The following TMEM129 variants were observed in gnomAD, a reference collection of about 807,000 sequenced individuals.
TMEM129 encodes E3 ubiquitin-protein ligase TM129.
A neutral mutation model predicts 34.1 loss-of-function variants in TMEM129; 35 were observed. The observed-to-expected ratio is 1.03, with a 90% CI of 0.78 to 1.36. TMEM129 has a LOEUF of 1.36. Among genes scored for constraint, TMEM129 ranks in the 40% most tolerant of loss-of-function variants. The pLI, the probability that TMEM129 is intolerant of heterozygous loss-of-function variation, is 0.00. For synonymous variants in TMEM129, 239 were observed against 217.3 expected (o/e 1.10, Z -0.88); for missense variants, 504 against 512.6 (o/e 0.98, Z 0.16).
rs1218516713 is a variant in TMEM129 at position 1,720,953 on chromosome 4, G to A, written c.-116C>T. 3 of 771,406 alleles carry A rather than the reference G, an allele frequency of 3.9e-6. No homozygotes were observed. Among genetic ancestry groups the A allele is most frequent in the Non-Finnish European group, 5.4e-6 (3 of 551,248 alleles). The allele number at this position is 771,406 out of a possible 1,614,324, so 47.8% of individuals were successfully genotyped here. A position where few individuals can be genotyped will look rare whatever the true frequency, so the allele number is the denominator to read the frequency against. On this transcript the variant is annotated 5_prime_UTR_variant, in exon 1 of 4. Transcript: ENST00000382936. The surrounding 1 kb of genome is among the most constrained non-coding windows in gnomAD (Gnocchi z 4.4). ...CGGCCGCCGCCCGGCCGCCCGCGGG[G>A]CACTCTAGGACATGGAGTCCCGCCG...
rs1716939290 is a variant in TMEM129, at chr4:1,715,995, C to A, written c.*1185G>T. On this transcript the variant is annotated 3_prime_UTR_variant, in exon 4 of 4. Coordinates refer to ENST00000382936, the MANE Select transcript of TMEM129 (RefSeq NM_001127266.2). ...TATTAAATATGGTGTCATTTGGCTACAATCGGTTTGTCTTTATAAAACTAA... is the reference window on the plus strand; with the variant it reads ...TATTAAATATGGTGTCATTTGGCTAAAATCGGTTTGTCTTTATAAAACTAA... 1 of 152,104 alleles carries A rather than the reference C, an allele frequency of 6.6e-6. No homozygotes were observed. Among genetic ancestry groups the A allele is most frequent in the Non-Finnish European group, 1.5e-5 (1 of 68,036 alleles). 9.4% of individuals were successfully genotyped at this position (152,104 alleles called of 1,614,324 possible).
chr4:1,718,614 C>T lies in TMEM129; in HGVS notation c.218G>A (p.Gly73Asp), dbSNP rs1164351052. Reference sequence around the variant, plus strand: ...CTTTTCTGAAGCCGCAAGGCACATGCCCACATAGTAGCCTGCAAAGGACAG... The same window carrying T: ...CTTTTCTGAAGCCGCAAGGCACATGTCCACATAGTAGCCTGCAAAGGACAG... ...HSLLPLGYYV[G>D]MCLAASEKRL... Residue 73 changes from glycine (G) to aspartate (D), a missense_variant, in exon 2 of 4, where the codon GGC becomes GAC. Physicochemically the swap from Gly to Asp is moderately conservative, Grantham distance 94. Coordinates refer to ENST00000382936, the MANE Select transcript of TMEM129 (RefSeq NM_001127266.2). 6.9e-7 allele frequency: 1 copy of T among 1,454,754 alleles called. No individual in the cohort carries two copies. Among genetic ancestry groups the T allele is most frequent in the Non-Finnish European group, 9.1e-7 (1 of 1,102,778 alleles). The allele number at this position is 1,454,754 out of a possible 1,614,324, so 90.1% of individuals were successfully genotyped here.
At position 1,720,619 on chromosome 4, in the gene TMEM129, C is replaced by T; in HGVS notation, c.205+14G>A. ...GCAGGAGAGGATGCGGCCGGCCGGC[C>T]CGAGCAGCCTCACCGAGCGGCAGCA... On this transcript the variant is annotated intron_variant, in intron 1 of 3. Coordinates refer to ENST00000382936, the MANE Select transcript of TMEM129 (RefSeq NM_001127266.2). This position sits in a 1 kb window ranked among gnomAD's most constrained non-coding sequence, Gnocchi z 4.4. The T allele has an allele frequency of 6.5e-7, 1 of 1,534,046 alleles. No individual in the cohort carries two copies. Among genetic ancestry groups the T allele is most frequent in the Non-Finnish European group, 8.7e-7 (1 of 1,143,308 alleles).
chr4:1,719,781 C>T (rs1192312750), intron 1 of TMEM129, among the ~76,000 whole-genome samples: 1 of 152,188 alleles, frequency 6.6e-6, no homozygotes, highest in Non-Finnish European at 1.5e-5. Flanking sequence ...CCATCCATCT[C>T]TCAAGTGGGC....
In TMEM129 at chr4:1,720,767, T is replaced by A; in HGVS notation, c.71A>T (p.Asn24Ile). The change falls in exon 1 of 4, where the codon AAC (asparagine) becomes ATC (isoleucine). Residue 24 changes from asparagine (N) to isoleucine (I), a missense_variant. Coordinates refer to ENST00000382936, the MANE Select transcript of TMEM129 (RefSeq NM_001127266.2). The surrounding 1 kb of genome is among the most constrained non-coding windows in gnomAD (Gnocchi z 4.4). ...VFAVCFVFTP[N>I]EFHAAGLTVQ... The stretch of plus-strand genomic sequence containing the variant: ...CGTGAGCCCCGCCGCGTGGAACTCG[T>A]TGGGCGTGAACACGAAGCACACGGC... 2.5e-6 allele frequency: 4 copies of A among 1,591,366 alleles called. No individual in the cohort carries two copies. Among genetic ancestry groups the A allele is most frequent in the Non-Finnish European group, 3.4e-6 (4 of 1,170,352 alleles).
intron 1 of TMEM129, among the ~76,000 whole-genome samples, chr4:1,719,390 A>C (rs1717155757): frequency 6.6e-6 from 1 of 151,306 alleles, no homozygotes; most frequent in Non-Finnish European, 1.5e-5. Flanking sequence ...CTCCACTAAA[A>C]AATACAAAAA....
intron 1 of TMEM129, among the ~76,000 whole-genome samples, chr4:1,719,487 C>T (rs960037171): frequency 2.6e-5 from 4 of 152,114 alleles, no homozygotes; most frequent in Non-Finnish European, 5.9e-5. Context: ...CCACTGCACT[C>T]CAGCCTGGGT....
rs368824267 is a variant in TMEM129 at position 1,721,047 on chromosome 4, A to G, written c.-210T>C. 3.6e-4 allele frequency: 99 copies of G among 277,782 alleles called. 3 individuals are homozygous for G. The highest frequency in any genetic ancestry group is 1.2e-3 in the African/African-American group (50 of 40,582). 17.2% of individuals were successfully genotyped at this position (277,782 alleles called of 1,614,324 possible). On this transcript the variant is annotated 5_prime_UTR_variant, in exon 1 of 4. Coordinates refer to ENST00000382936, the MANE Select transcript of TMEM129 (RefSeq NM_001127266.2). ...CCGGCCGCCCGCGGGGCACTCTAGG[A>G]CATGGAGTCCCGCCGCCCGGCCGCC...
rs928631273 is a variant in TMEM129 at position 1,717,579 on chromosome 4, C to T, written c.777G>A (p.Leu259=). 6.5e-7 allele frequency: 1 copy of T among 1,549,780 alleles called. No individual in the cohort carries two copies. The highest frequency in any genetic ancestry group is 8.7e-7 in the Non-Finnish European group (1 of 1,146,324). Residue 259 remains leucine (L), a synonymous_variant, in exon 3 of 4, where the codon CTG becomes CTA. Transcript: ENST00000382936. ...HVVIHQSLGD[L]FLETFASLVE... The stretch of plus-strand genomic sequence containing the variant: ...CCAGGGAGGCAAATGTCTCCAGGAA[C>T]AGGTCGCCCAGGCTCTGGTGGATGA...
In TMEM129 at chr4:1,717,404, T is replaced by G; in HGVS notation, c.865A>C (p.Met289Leu). 6.6e-7 allele frequency: 1 copy of G among 1,521,636 alleles called. No individual in the cohort carries two copies. Among genetic ancestry groups the G allele is most frequent in the Non-Finnish European group, 8.9e-7 (1 of 1,124,324 alleles). The allele number at this position is 1,521,636 out of a possible 1,614,324, so 94.3% of individuals were successfully genotyped here. ...AGCTTCACGCTGGCACGTGTCTGCA[T>G]GCAGCCTATGCAGGCCTCCAGCTCC... ...SQELEACIGC[M>L]QTRASVKLVK... The change falls in exon 4 of 4, where the codon ATG becomes CTG. Residue 289 changes from methionine (M) to leucine (L), a missense_variant. Transcript: ENST00000382936.
At position 1,720,334 on chromosome 4, in the gene TMEM129, C is replaced by G. The variant is rs764593298; in HGVS notation, c.205+299G>C. On this transcript the variant is annotated intron_variant, in intron 1 of 3. Coordinates refer to ENST00000382936, the MANE Select transcript of TMEM129 (RefSeq NM_001127266.2). This position sits in a 1 kb window ranked among gnomAD's most constrained non-coding sequence, Gnocchi z 4.4. Reference sequence around the variant, plus strand: ...TCCTGGCCACTGCCCCCAACCACGACAAGCAAGGGCTGCTTGGCCTTGCAA... The same window carrying G: ...TCCTGGCCACTGCCCCCAACCACGAGAAGCAAGGGCTGCTTGGCCTTGCAA... Among the ~76,000 whole-genome samples the G allele has an allele frequency of 5.9e-5, 9 of 152,254 alleles. No homozygotes were observed. The highest frequency in any genetic ancestry group is 1.0e-4 in the Non-Finnish European group (7 of 68,042).
At position 1,718,286 on chromosome 4, in the gene TMEM129, G is replaced by GGC; in HGVS notation, c.544_545dup (p.Gln183ProfsTer8). On this transcript the variant is annotated frameshift_variant, in exon 2 of 4. Transcript: ENST00000382936. LOFTEE classifies it high-confidence loss of function. ...CAGTCAGGTGCACGTCCTGCTGCTG[G>GGC]GCCACGTGCACTCGGTAGGTGGTTA... 6.2e-7 allele frequency: 1 copy of GGC among 1,612,964 alleles called. No individual in the cohort carries two copies.
chr4:1,717,933 G>T, intron 2 of TMEM129: 2 of 673,116 alleles, frequency 3.0e-6, no homozygotes, highest in Non-Finnish European at 4.9e-6. Flanking sequence ...GCTCCAGGGA[G>T]TGGAAGGGGA....
intron 2 of TMEM129, 57 bp from the exon 3 acceptor site, chr4:1,717,732 G>C: frequency 1.4e-6 from 2 of 1,454,104 alleles, no homozygotes; most frequent in Non-Finnish European, 1.8e-6. Flanking sequence ...GGAAGATGGA[G>C]GCTACACCCC....
In TMEM129 at chr4:1,720,736, C is replaced by T; in HGVS notation, c.102G>A (p.Gln34=). ...NEFHAAGLTV[Q]NLLSGWLGSE... ...TGCCCAGCCAGCCCGACAGCAGGTT[C>T]TGCACCGTGAGCCCCGCCGCGTGGA... is the stretch of plus-strand genomic sequence containing the variant. The change falls in exon 1 of 4, where the codon CAG becomes CAA. Residue 34 remains glutamine, a synonymous_variant. Coordinates refer to ENST00000382936, the MANE Select transcript of TMEM129 (RefSeq NM_001127266.2). This position sits in a 1 kb window ranked among gnomAD's most constrained non-coding sequence, Gnocchi z 4.4. The T allele has an allele frequency of 6.4e-7, 1 of 1,572,458 alleles. No individual in the cohort carries two copies. The highest frequency in any genetic ancestry group is 8.6e-7 in the Non-Finnish European group (1 of 1,160,700).
chr4:1,716,901 T>G lies in TMEM129; in HGVS notation c.*279A>C. The G allele has an allele frequency of 2.6e-6, 1 of 384,728 alleles. No homozygotes were observed. The highest frequency in any genetic ancestry group is 4.5e-5 in the Admixed American group (1 of 22,260). 23.8% of individuals were successfully genotyped at this position (384,728 alleles called of 1,614,324 possible). ...CTCGGGGGCAGACGCTGTGTCTGTGTGTGCAGGATCTGCCCCCACCAGCAG... is the reference window on the plus strand; with the variant it reads ...CTCGGGGGCAGACGCTGTGTCTGTGGGTGCAGGATCTGCCCCCACCAGCAG... On this transcript the variant is annotated 3_prime_UTR_variant, in exon 4 of 4. Transcript: ENST00000382936.
In TMEM129 at chr4:1,716,992, G is replaced by T; in HGVS notation, c.*188C>A. On this transcript the variant is annotated 3_prime_UTR_variant, in exon 4 of 4. Transcript: ENST00000382936. ...TTGTACCCTGGCTGCCAAGCAGGGTGGGGTGTTTTCATGAGGATTGCTTTT... is the reference window on the plus strand; with the variant it reads ...TTGTACCCTGGCTGCCAAGCAGGGTTGGGTGTTTTCATGAGGATTGCTTTT... 1.5e-6 allele frequency: 1 copy of T among 645,584 alleles called. No individual in the cohort carries two copies. Among genetic ancestry groups the T allele is most frequent in the Non-Finnish European group, 2.3e-6 (1 of 442,296 alleles). The allele number at this position is 645,584 out of a possible 1,614,324, so 40.0% of individuals were successfully genotyped here.
chr4:1,717,083 A>C lies in TMEM129; in HGVS notation c.*97T>G. The C allele has an allele frequency of 7.4e-7, 1 of 1,358,042 alleles. No individual in the cohort carries two copies. Among genetic ancestry groups the C allele is most frequent in the South Asian group, 1.8e-5 (1 of 56,608 alleles). 84.1% of individuals were successfully genotyped at this position (1,358,042 alleles called of 1,614,324 possible). On this transcript the variant is annotated 3_prime_UTR_variant, in exon 4 of 4. Coordinates refer to ENST00000382936, the MANE Select transcript of TMEM129 (RefSeq NM_001127266.2). The stretch of plus-strand genomic sequence containing the variant: ...CGAGTTGCTCTACATCATGTGCTTT[A>C]AGTAGAGCCCTTTGCCAGCCAGGAG...
chr4:1,716,889 G>A lies in TMEM129; in HGVS notation c.*291C>T, dbSNP rs917700581. On this transcript the variant is annotated 3_prime_UTR_variant, in exon 4 of 4. Coordinates refer to ENST00000382936, the MANE Select transcript of TMEM129 (RefSeq NM_001127266.2). ...TCCAGGGAATGGCTCGGGGGCAGACGCTGTGTCTGTGTGTGCAGGATCTGC... is the reference window on the plus strand; with the variant it reads ...TCCAGGGAATGGCTCGGGGGCAGACACTGTGTCTGTGTGTGCAGGATCTGC... 32 of 371,096 alleles carry A rather than the reference G, an allele frequency of 8.6e-5. No individual in the cohort carries two copies. The highest frequency in any genetic ancestry group is 3.2e-4 in the Admixed American group (7 of 21,782). 23.0% of individuals were successfully genotyped at this position (371,096 alleles called of 1,614,324 possible). A position where few individuals can be genotyped will look rare whatever the true frequency, so the allele number is the denominator to read the frequency against.
Sources: gnomAD v4.1 joint callset for allele counts (sites outside exome capture counted in the v4.1 genomes callset) on GRCh38, gnomAD v4.1.1 for gene constraint, Gnocchi (gnomAD v3.1) non-coding constraint, MANE v1.5 for transcripts, NCBI Gene and HGNC (gene_info 2026-07-23, HGNC 2026-07-21) for gene names.